Variants in TNKS1BP1 observed in about 807,000 individuals in gnomAD.
TNKS1BP1 encodes 182 kDa tankyrase-1-binding protein.
In TNKS1BP1, 48 loss-of-function variants were observed where a neutral mutation model predicts 141.1. The observed-to-expected ratio is 0.34, with a 90% CI of 0.27 to 0.43. The LOEUF is 0.43. Ranked by LOEUF, TNKS1BP1 falls within the 20% of genes least tolerant of loss-of-function variation. The pLI is 1.00. For missense variants in TNKS1BP1, 2,149 were observed against 2,226.0 expected (o/e 0.97, Z 0.70); for synonymous variants, 875 against 898.2 (o/e 0.97, Z 0.46).
Position 57,313,209 on chromosome 11 carries a change from G to A in TNKS1BP1, c.1479C>T (p.Asp493=). 6.2e-7 allele frequency: 1 copy of A among 1,612,406 alleles called. No individual in the cohort carries two copies. Among genetic ancestry groups the A allele is most frequent in the Non-Finnish European group, 8.5e-7 (1 of 1,179,868 alleles). ...CAGTGATGGGGGAGGGAGGCGGGGA[G>A]TCCAGCCGCCACACGCCCAGACCCG... is the stretch of plus-strand genomic sequence containing the variant. ...RPSGLGVWRL[D]SPPPSPITEA... is the part of the protein sequence containing the mutation. Residue 493 remains aspartate (D), a synonymous_variant, in exon 5 of 12, where the codon GAC becomes GAT. Coordinates refer to ENST00000358252, the MANE Select transcript of TNKS1BP1 (RefSeq NM_033396.3).
rs1473233810 is a variant in TNKS1BP1 at position 57,299,713 on chromosome 11, A to AGACG, written c.*377_*380dup. On this transcript the variant is annotated 3_prime_UTR_variant, in exon 12 of 12. Coordinates refer to ENST00000358252, the MANE Select transcript of TNKS1BP1 (RefSeq NM_033396.3). ...GTCTCTGTGGGGTACCTGGCGGGGC[A>AGACG]GACGGAGACCTGGGGTGAGGCAGGG... 2 of 153,906 alleles carry AGACG rather than the reference A, an allele frequency of 1.3e-5. No individual in the cohort carries two copies. The highest frequency in any genetic ancestry group is 2.9e-5 in the Non-Finnish European group (2 of 68,108). 9.5% of individuals were successfully genotyped at this position (153,906 alleles called of 1,614,324 possible).
intron 4 of TNKS1BP1, among the ~76,000 whole-genome samples, chr11:57,314,380 C>G (rs559768723): frequency 3.2e-4 from 48 of 152,320 alleles, no homozygotes; most frequent in African/African-American, 1.1e-3. Flanking sequence ...CTACAGCGTG[C>G]AGGGGGTGCC....
intron 4 of TNKS1BP1, among the ~76,000 whole-genome samples, chr11:57,316,768 G>A (rs1256175296): frequency 6.6e-5 from 10 of 152,172 alleles, no homozygotes; most frequent in Non-Finnish European, 1.5e-4. Context: ...GGTCCATGCT[G>A]CTGATCTTAC....
In TNKS1BP1 at chr11:57,309,164, C is replaced by T. The variant is rs772876015; in HGVS notation, c.3547G>A (p.Glu1183Lys). 10 of 1,614,180 alleles carry T rather than the reference C, an allele frequency of 6.2e-6. No homozygotes were observed. The Admixed American group carries it at 1.0e-4, about 16-fold the overall frequency. The change falls in exon 6 of 12, where the codon GAG becomes AAG. Residue 1183 changes from glutamate (E) to lysine (K), a missense_variant. By Grantham distance (56) the Glu-to-Lys change is moderately conservative (BLOSUM62 1). Transcript: ENST00000358252. This position sits in a 1 kb window ranked among gnomAD's most constrained non-coding sequence, Gnocchi z 4.3. The stretch of plus-strand genomic sequence containing the variant: ...TGTCCCACGGCACTCTCCCTGGCCT[C>T]GCTCGAGCCCCCAGAACCCACACAG... ...SSCVGSGGSS[E>K]ARESAVGQMG...
chr11:57,302,045 G>A lies in TNKS1BP1; in HGVS notation c.4834+29C>T. On this transcript the variant is annotated intron_variant, in intron 8 of 11. Coordinates refer to ENST00000358252, the MANE Select transcript of TNKS1BP1 (RefSeq NM_033396.3). This position sits in a 1 kb window ranked among gnomAD's most constrained non-coding sequence, Gnocchi z 5.5. The stretch of plus-strand genomic sequence containing the variant: ...TGGCCTAATGCCCTAGAGATCAAGA[G>A]ACATCACCAAATAATACATCAGCCC... 1 of 1,605,768 alleles carries A rather than the reference G, an allele frequency of 6.2e-7. No individual in the cohort carries two copies. Among genetic ancestry groups the A allele is most frequent in the Non-Finnish European group, 8.5e-7 (1 of 1,173,106 alleles).
intron 2 of TNKS1BP1, among the ~76,000 whole-genome samples, chr11:57,321,392 TCCTCCTGATGGAATCCCGTA>T (rs1205928679): frequency 6.6e-6 from 1 of 151,726 alleles, no homozygotes; most frequent in East Asian, 1.9e-4. Context: ...TCGTCCACAG[TCCTCCTGATGGAATCCCGTA>T]CCTCCTACAC....
In TNKS1BP1 at chr11:57,302,118, G is replaced by A. The variant is rs199888470; in HGVS notation, c.4790C>T (p.Ser1597Leu). The change falls in exon 8 of 12, where the codon TCG becomes TTG. Residue 1597 changes from serine to leucine, a missense_variant. Ser to Leu is a moderately radical substitution (Grantham distance 145). Transcript: ENST00000358252. The surrounding 1 kb of genome is among the most constrained non-coding windows in gnomAD (Gnocchi z 5.5). The part of the protein sequence containing the change: ...VIRPGGTLGL[S>L]EAADSDAHLF... ...GTGTGCATCCGAGTCTGCTGCCTCC[G>A]ACAGGCCCAAGGTACCCCCAGGCCG... 1.5e-4 allele frequency: 242 copies of A among 1,613,714 alleles called. No individual in the cohort carries two copies. Among genetic ancestry groups the A allele is most frequent in the Non-Finnish European group, 1.8e-4 (217 of 1,179,972 alleles).
At chr11:57,306,557 C>T (rs889825082) in intron 6 of TNKS1BP1, among the ~76,000 whole-genome samples, 3 of 152,172 alleles carry the variant, frequency 2.0e-5, no homozygotes, top group Admixed American at 1.3e-4. Context: ...ACAAGCCCCT[C>T]GAACTCCTCT....
Position 57,320,615 on chromosome 11 carries a change from C to T in TNKS1BP1, c.192G>A (p.Gly64=). 6.2e-7 allele frequency: 1 copy of T among 1,613,684 alleles called. No individual in the cohort carries two copies. Among genetic ancestry groups the T allele is most frequent in the Non-Finnish European group, 8.5e-7 (1 of 1,179,974 alleles). ...PAKPSLLVPV[G]PRPPRGPLAE... is the part of the protein sequence containing the mutation. ...CCAGGGGACCCCGGGGAGGCCGAGG[C>T]CCAACAGGCACCAGCAGGCTGGGTT... Residue 64 remains glycine, a synonymous_variant, in exon 3 of 12, where the codon GGG becomes GGA. Coordinates refer to ENST00000358252, the MANE Select transcript of TNKS1BP1 (RefSeq NM_033396.3).
In TNKS1BP1 at chr11:57,302,069, C is replaced by T; in HGVS notation, c.4834+5G>A. The T allele has an allele frequency of 3.7e-6, 6 of 1,611,274 alleles. No homozygotes were observed. Among genetic ancestry groups the T allele is most frequent in the Non-Finnish European group, 5.1e-6 (6 of 1,177,662 alleles). ...AGACATCACCAAATAATACATCAGC[C>T]CTACCTGTAGAGTCCTGGAACAGGT... On this transcript the variant is annotated splice_donor_5th_base_variant and intron_variant, in intron 8 of 11. Transcript: ENST00000358252. This position sits in a 1 kb window ranked among gnomAD's most constrained non-coding sequence, Gnocchi z 5.5.
At chr11:57,322,453 T>A in intron 1 of TNKS1BP1, 2 of 290,942 alleles carry the variant, frequency 6.9e-6, no homozygotes, top group Non-Finnish European at 1.0e-5. Context: ...CTGGGAGTGG[T>A]TCCTTCTCCC....
At chr11:57,311,502 C>G (rs973828090) in intron 5 of TNKS1BP1, 1 of 978,744 alleles carries the variant, frequency 1.0e-6, no homozygotes, top group Admixed American at 6.1e-5. Context: ...CTGCTCCCTC[C>G]GGAGCAGCTG....
Position 57,302,643 on chromosome 11 carries a change from C to T in TNKS1BP1, c.4499G>A (p.Gly1500Asp). The change falls in exon 7 of 12, where the codon GGC (glycine) becomes GAC (aspartate). Residue 1500 changes from glycine (G) to aspartate (D), a missense_variant. Transcript: ENST00000358252. The surrounding 1 kb of genome is among the most constrained non-coding windows in gnomAD (Gnocchi z 5.5). ...GAAQEEVLEP[G>D]RDSPPSWRPQ... is the part of the protein sequence containing the mutation. ...CCTCCAGGAGGGTGGAGAGTCCCTG[C>T]CAGGCTCCAGCACCTCCTCTTGGGC... 6.2e-7 allele frequency: 1 copy of T among 1,610,788 alleles called. No individual in the cohort carries two copies. Among genetic ancestry groups the T allele is most frequent in the Non-Finnish European group, 8.5e-7 (1 of 1,179,330 alleles).
chr11:57,308,890 C>T lies in TNKS1BP1; in HGVS notation c.3821G>A (p.Arg1274His), dbSNP rs771071152. 2.0e-5 allele frequency: 32 copies of T among 1,613,840 alleles called. No homozygotes were observed. Among genetic ancestry groups the T allele is most frequent in the South Asian group, 1.3e-4 (12 of 91,078 alleles). ...TGTCCAGTCTGCCTGTCCAACTCCA[C>T]GCTCCCTTGATTTAAGGAACTCTCC... Reference protein sequence around the residue: ...EAGEFLKSRERGVGQADWTPD... With the variant: ...EAGEFLKSREHGVGQADWTPD... The change falls in exon 6 of 12, where the codon CGT becomes CAT. Residue 1274 changes from arginine (R) to histidine (H), a missense_variant. Coordinates refer to ENST00000358252, the MANE Select transcript of TNKS1BP1 (RefSeq NM_033396.3).
intron 2 of TNKS1BP1, 25 bp downstream of exon 2, chr11:57,321,767 G>T: frequency 6.8e-7 from 1 of 1,479,642 alleles, no homozygotes; most frequent in Non-Finnish European, 9.2e-7. Flanking sequence ...CCAGCCACCT[G>T]GCTCCACCCT....
chr11:57,300,709 G>A (rs1394888256), intron 10 of TNKS1BP1, 109 bp from the exon 11 acceptor site: 49 of 1,526,650 alleles, frequency 3.2e-5, no homozygotes, highest in South Asian at 6.9e-5. Context: ...AGGCAGTCTG[G>A]GGCCTGGCTG....
At chr11:57,319,197 T>C (rs1307712553) in intron 3 of TNKS1BP1, among the ~76,000 whole-genome samples, 1 of 150,804 alleles carries the variant, frequency 6.6e-6, no homozygotes, top group African/African-American at 2.4e-5. Context: ...TCCCATCAGA[T>C]TCCACCTCAC....
intron 5 of TNKS1BP1, among the ~76,000 whole-genome samples, chr11:57,310,930 C>G (rs979059531): frequency 6.6e-6 from 1 of 152,214 alleles, no homozygotes; most frequent in Non-Finnish European, 1.5e-5. Context: ...AGGCAGTGCA[C>G]TTTCCTTTTG....
chr11:57,319,107 T>C (rs1206021257), intron 3 of TNKS1BP1, among the ~76,000 whole-genome samples: 3 of 141,444 alleles, frequency 2.1e-5, no homozygotes, highest in African/African-American at 8.1e-5. Context: ...ATTGCGCCAC[T>C]GCACTCCAGC....
Sources: allele counts gnomAD v4.1 joint callset (sites outside exome capture counted in the v4.1 genomes callset), GRCh38; gene constraint gnomAD v4.1.1; non-coding constraint Gnocchi (gnomAD v3.1); transcripts MANE v1.5; gene names NCBI Gene and HGNC (gene_info 2026-07-23, HGNC 2026-07-21).